The following PLCH1 variants were observed in gnomAD, a reference collection of about 807,000 sequenced individuals.
PLCH1 encodes the protein 1-phosphatidylinositol 4,5-bisphosphate phosphodiesterase eta-1.
A neutral mutation model predicts 126.7 loss-of-function variants in PLCH1; 60 were observed. The observed-to-expected ratio is 0.47, with a 90% CI of 0.38 to 0.59. The LOEUF is 0.59. Among genes scored for constraint, PLCH1 ranks in the 20% least tolerant of loss-of-function variants. The pLI is 0.00. For missense variants in PLCH1, 1,723 were observed against 2,040.0 expected (o/e 0.84, Z 2.99); for synonymous variants, 719 against 734.9 (o/e 0.98, Z 0.35).
At chr3:155,542,549 G>A (rs1009869039) in intron 10 of PLCH1, among the ~76,000 whole-genome samples, 9 of 152,062 alleles carry the variant, frequency 5.9e-5, no homozygotes, top group Non-Finnish European at 1.0e-4. Context: ...CTCCCAGCAC[G>A]CAGCTGGAGA....
At position 155,664,582 on chromosome 3, in the gene PLCH1, G is replaced by C. The variant is rs1354629221; in HGVS notation, c.79+39564C>G. On this transcript the variant is annotated intron_variant, in intron 2 of 22. Transcript: ENST00000460012. ...TAAATATGGCTATGTTTGGGTTGTAGTCTGCTTTATATACAAAATCAGGCA... is the reference window on the plus strand; with the variant it reads ...TAAATATGGCTATGTTTGGGTTGTACTCTGCTTTATATACAAAATCAGGCA... Among the ~76,000 whole-genome samples the C allele has an allele frequency of 1.2e-4, 18 of 152,306 alleles. No homozygotes were observed. The East Asian group carries it at 3.5e-3, about 29-fold the overall frequency.
intron 19 of PLCH1, among the ~76,000 whole-genome samples, chr3:155,490,367 C>A (rs752288120): frequency 1.5e-4 from 23 of 152,070 alleles, no homozygotes; most frequent in Admixed American, 8.5e-4. Context: ...ATTGTGCTTG[C>A]CTTTAGAGTT....
chr3:155,533,125 T>G (rs1042030415), intron 10 of PLCH1, among the ~76,000 whole-genome samples: 1 of 152,230 alleles, frequency 6.6e-6, no homozygotes, highest in Non-Finnish European at 1.5e-5. Context: ...ACTGGTGGCA[T>G]TTTGCCCCTG....
intron 1 of PLCH1, among the ~76,000 whole-genome samples, chr3:155,710,376 G>A (rs1362643361): frequency 6.6e-6 from 1 of 152,132 alleles, no homozygotes; most frequent in Non-Finnish European, 1.5e-5. Context: ...CCCAGACTGT[G>A]ACTTGTCACT....
chr3:155,684,126 AC>A, intron 2 of PLCH1, among the ~76,000 whole-genome samples: 1 of 152,344 alleles, frequency 6.6e-6, no homozygotes, highest in Middle Eastern at 3.4e-3. Flanking sequence ...AATAGGGATT[AC>A]AATACATGCA....
At position 155,473,661 on chromosome 3, in the gene PLCH1, C is replaced by T. The variant is rs1363412616; in HGVS notation, c.2938+11695G>A. Among the ~76,000 whole-genome samples the T allele has an allele frequency of 3.3e-5, 5 of 152,038 alleles. No homozygotes were observed. In the East Asian group the frequency reaches 5.8e-4, roughly 18 times the overall value. On this transcript the variant is annotated intron_variant, in intron 21 of 21. Coordinates refer to the PLCH1 transcript ENST00000494598. ...GAACAAAGCTGGAGGCATCACACTC[C>T]CTGACTTCAAACTATACTACAAGGC... is the stretch of plus-strand genomic sequence containing the variant.
intron 2 of PLCH1, among the ~76,000 whole-genome samples, chr3:155,687,261 C>T (rs990295562): frequency 6.6e-6 from 1 of 152,058 alleles, no homozygotes; most frequent in South Asian, 2.1e-4. Context: ...TAATTTTCTG[C>T]TTCAATAGTC....
chr3:155,620,621 C>G (rs1351569036), intron 2 of PLCH1, among the ~76,000 whole-genome samples: 2 of 152,184 alleles, frequency 1.3e-5, no homozygotes, highest in African/African-American at 4.8e-5. Context: ...TAAGAAAGAG[C>G]TGCAACCGTG....
chr3:155,585,612 C>T (rs1243829325), intron 5 of PLCH1, among the ~76,000 whole-genome samples: 1 of 152,144 alleles, frequency 6.6e-6, no homozygotes. Flanking sequence ...GGAGAGCTCC[C>T]TAAATGGCAG....
intron 10 of PLCH1, among the ~76,000 whole-genome samples, chr3:155,534,602 T>C (rs961829550): frequency 5.3e-5 from 8 of 152,158 alleles, no homozygotes; most frequent in African/African-American, 1.7e-4. Flanking sequence ...TGTTTTGAAA[T>C]GTGAGGACAT....
intron 1 of PLCH1, among the ~76,000 whole-genome samples, chr3:155,708,144 C>T (rs1010954839): frequency 3.3e-5 from 5 of 152,210 alleles, no homozygotes; most frequent in African/African-American, 9.7e-5. Context: ...AGACTCCTGA[C>T]TCCCAAGTTA....
At chr3:155,498,601 A>T (rs1215500364) in intron 14 of PLCH1, among the ~76,000 whole-genome samples, 3 of 152,240 alleles carry the variant, frequency 2.0e-5, no homozygotes, top group Admixed American at 6.5e-5. Flanking sequence ...GAAACACTGC[A>T]TAGTGGGTAG....
chr3:155,539,420 G>A lies in PLCH1; in HGVS notation c.1362+10367C>T, dbSNP rs180915790. On this transcript the variant is annotated intron_variant, in intron 10 of 22. Transcript: ENST00000460012. ...TCCTAGCCAAGGCAATCAGACAAGC[G>A]AAAGAAATAAAGGGCTTCCAAATGT... is the stretch of plus-strand genomic sequence containing the variant. 3.9e-3 allele frequency among the ~76,000 whole-genome samples: 599 copies of A among 152,138 alleles called. 2 individuals are homozygous for A. Among genetic ancestry groups the A allele is most frequent in the African/African-American group, 0.013 (560 of 41,496 alleles).
In PLCH1 at chr3:155,502,564, G is replaced by C. The variant is rs1718058110; in HGVS notation, c.1705-1770C>G. 2.0e-5 allele frequency among the ~76,000 whole-genome samples: 3 copies of C among 152,184 alleles called. No individual in the cohort carries two copies. In the South Asian group the frequency reaches 6.2e-4, roughly 32 times the overall value. ...TAATTTGAGTTATACAGTAATAAAT[G>C]TCTTTTTAAGAATCATTTTTACTAT... On this transcript the variant is annotated intron_variant, in intron 13 of 22. Coordinates refer to ENST00000460012, the MANE Select transcript of PLCH1 (RefSeq NM_014996.4).
intron 1 of PLCH1, among the ~76,000 whole-genome samples, chr3:155,731,766 T>G (rs1287395812): frequency 6.6e-6 from 1 of 152,030 alleles, no homozygotes; most frequent in Non-Finnish European, 1.5e-5. Flanking sequence ...GCATATAACT[T>G]GAATTCAGGA....
chr3:155,655,034 CT>C (rs891717156), intron 2 of PLCH1, among the ~76,000 whole-genome samples: 3 of 152,192 alleles, frequency 2.0e-5, no homozygotes, highest in African/African-American at 7.2e-5. Flanking sequence ...GCTCTGTTCT[CT>C]TCCTGAACAC....
Position 155,523,869 on chromosome 3 carries a change from A to G in PLCH1, c.1470+28T>C. On this transcript the variant is annotated intron_variant, in intron 11 of 22. Coordinates refer to ENST00000460012, the MANE Select transcript of PLCH1 (RefSeq NM_014996.4). Reference sequence around the variant, plus strand: ...CATTTTAATACAGCATATCAAGGATAAAAAATATGGTCATGCCTGCAACTT... The same window carrying G: ...CATTTTAATACAGCATATCAAGGATGAAAAATATGGTCATGCCTGCAACTT... The G allele has an allele frequency of 3.8e-6, 5 of 1,313,598 alleles. No homozygotes were observed. In the South Asian group the frequency reaches 6.2e-5, roughly 16 times the overall value. 81.4% of individuals were successfully genotyped at this position (1,313,598 alleles called of 1,614,324 possible).
At chr3:155,635,483 G>C (rs113077577) in intron 2 of PLCH1, among the ~76,000 whole-genome samples, 4,237 of 152,300 alleles carry the variant, frequency 0.028, 132 homozygotes, top group African/African-American at 0.074. Flanking sequence ...CTTGCCTCAA[G>C]ACTCAAAACA....
intron 4 of PLCH1, among the ~76,000 whole-genome samples, chr3:155,587,468 T>C (rs1044659425): frequency 2.0e-5 from 3 of 152,164 alleles, no homozygotes; most frequent in Non-Finnish European, 4.4e-5. Flanking sequence ...CCCAGGTCTT[T>C]TGTACCTGAT....
Sources: gnomAD v4.1 joint callset for allele counts (sites outside exome capture counted in the v4.1 genomes callset) on GRCh38, gnomAD v4.1.1 for gene constraint, MANE v1.5 for transcripts, NCBI Gene and HGNC (gene_info 2026-07-23, HGNC 2026-07-21) for gene names.